Variants in ADAMTSL3 observed in about 807,000 individuals in gnomAD.
ADAMTSL3 encodes the protein ADAMTS like 3.
Under a neutral mutation model 201.7 loss-of-function variants are expected in ADAMTSL3, and 128 were observed. That is an observed-to-expected ratio of 0.63 (90% CI 0.55 to 0.73). The LOEUF is 0.73. ADAMTSL3 is among the 30% of genes least tolerant of loss of function. The pLI, the probability that ADAMTSL3 is intolerant of heterozygous loss-of-function variation, is 0.00. For synonymous variants in ADAMTSL3, 738 were observed against 748.4 expected (o/e 0.99, Z 0.23); for missense variants, 1,990 against 2,119.6 (o/e 0.94, Z 1.20).
At chr15:83,682,493 T>C (rs184761577) in intron 2 of ADAMTSL3, among the ~76,000 whole-genome samples, 2 of 152,346 alleles carry the variant, frequency 1.3e-5, no homozygotes, top group East Asian at 3.9e-4. Flanking sequence ...TTTTATCCTT[T>C]TTCTCTGAGA....
At chr15:83,822,198 C>A (rs1438662329) in intron 6 of ADAMTSL3, among the ~76,000 whole-genome samples, 1 of 144,868 alleles carries the variant, frequency 6.9e-6, no homozygotes, top group African/African-American at 2.6e-5. Flanking sequence ...CCCTCCCGGA[C>A]GGGGTGGCTG....
chr15:83,860,485 A>T (rs2064831328), intron 8 of ADAMTSL3, among the ~76,000 whole-genome samples: 1 of 152,210 alleles, frequency 6.6e-6, no homozygotes, highest in South Asian at 2.1e-4. Flanking sequence ...CCATTAAATT[A>T]TGCATTTTAA....
chr15:83,998,999 CT>C (rs2067740022), intron 23 of ADAMTSL3, among the ~76,000 whole-genome samples: 1 of 152,176 alleles, frequency 6.6e-6, no homozygotes, highest in African/African-American at 2.4e-5. Flanking sequence ...CTGAATGCTG[CT>C]TTTGTGTGTT....
At chr15:83,839,990 C>A (rs2064344196) in intron 7 of ADAMTSL3, among the ~76,000 whole-genome samples, 1 of 152,074 alleles carries the variant, frequency 6.6e-6, no homozygotes, top group South Asian at 2.1e-4. Flanking sequence ...TTATCTGAAA[C>A]ATGCTAGGTT....
intron 4 of ADAMTSL3, among the ~76,000 whole-genome samples, chr15:83,775,363 G>A (rs895095556): frequency 9.9e-5 from 15 of 151,056 alleles, no homozygotes; most frequent in Non-Finnish European, 5.9e-5. Context: ...TTTCTAGTAC[G>A]TACTTGCGTT....
intron 2 of ADAMTSL3, among the ~76,000 whole-genome samples, chr15:83,699,922 CTTGT>C (rs1429268548): frequency 6.6e-6 from 1 of 152,128 alleles, no homozygotes; most frequent in African/African-American, 2.4e-5. Flanking sequence ...CTCATATCAC[CTTGT>C]TTATTTCCTT....
chr15:83,793,150 G>C (rs959458368), intron 4 of ADAMTSL3, among the ~76,000 whole-genome samples: 1 of 152,164 alleles, frequency 6.6e-6, no homozygotes, highest in African/African-American at 2.4e-5. Flanking sequence ...CGTAGAAAAA[G>C]AGAGTAAAAA....
chr15:83,845,389 C>T (rs551231645), intron 7 of ADAMTSL3, among the ~76,000 whole-genome samples: 42 of 152,260 alleles, frequency 2.8e-4, no homozygotes, highest in African/African-American at 9.6e-4. Context: ...ACATGGCCTT[C>T]GCTGGAGATG....
At chr15:83,764,035 C>A (rs544408796) in intron 3 of ADAMTSL3, among the ~76,000 whole-genome samples, 1 of 152,350 alleles carries the variant, frequency 6.6e-6, no homozygotes, top group South Asian at 2.1e-4. Context: ...TGCCACAAAT[C>A]ATTTAATACA....
In ADAMTSL3 at chr15:83,812,640, C is replaced by A. The variant is rs369932965; in HGVS notation, c.364-7171C>A. Among the ~76,000 whole-genome samples, 12 of 152,292 alleles carry A rather than the reference C, an allele frequency of 7.9e-5. No individual in the cohort carries two copies. The South Asian group carries it at 1.2e-3, about 16-fold the overall frequency. ...GTTAGTGAGCCTTGGAGATCTAACA[C>A]TGGATCATATTCCAGAGATTGCTAA... On this transcript the variant is annotated intron_variant, in intron 5 of 29. Transcript: ENST00000286744.
chr15:83,694,167 A>G (rs548291187), intron 2 of ADAMTSL3: 2 of 152,296 alleles, frequency 1.3e-5, no homozygotes, highest in African/African-American at 4.8e-5. Flanking sequence ...AAAGACCAAG[A>G]TCCACCAGAA....
At chr15:83,674,282 G>A (rs569310840) in intron 2 of ADAMTSL3, among the ~76,000 whole-genome samples, 1 of 151,904 alleles carries the variant, frequency 6.6e-6, no homozygotes, top group East Asian at 1.9e-4. Context: ...TGAGGTTAAG[G>A]TCACATCTTA....
rs183165247 is a variant in ADAMTSL3, at chr15:83,799,812, A to G, written c.318-4838A>G. Among the ~76,000 whole-genome samples the G allele has an allele frequency of 7.6e-3, 1,158 of 152,350 alleles. 9 individuals are homozygous for G. Among genetic ancestry groups the G allele is most frequent in the Middle Eastern group, 0.02 (6 of 294 alleles). ...ACTCCTGATAACCATTAGCTCTTGC[A>G]TATACTAATTACACTGAAATTAAAA... On this transcript the variant is annotated intron_variant, in intron 4 of 29. Coordinates refer to ENST00000286744, the MANE Select transcript of ADAMTSL3 (RefSeq NM_207517.3).
intron 4 of ADAMTSL3, among the ~76,000 whole-genome samples, chr15:83,798,359 A>G (rs374655816): frequency 3.3e-5 from 5 of 152,218 alleles, no homozygotes; most frequent in South Asian, 2.1e-4. Context: ...AAATGTGTAT[A>G]TATGTATTTG....
chr15:83,701,526 A>G (rs1284485629), intron 2 of ADAMTSL3, among the ~76,000 whole-genome samples: 2 of 152,212 alleles, frequency 1.3e-5, no homozygotes, highest in African/African-American at 2.4e-5. Context: ...TTGTGCTCTC[A>G]TAATTCCCAC....
chr15:83,665,851 C>T (rs946723928), intron 2 of ADAMTSL3, among the ~76,000 whole-genome samples: 9 of 152,004 alleles, frequency 5.9e-5, no homozygotes, highest in African/African-American at 1.9e-4. Flanking sequence ...TACAAATAAA[C>T]GGTATTTTAT....
chr15:83,903,910 T>A lies in ADAMTSL3; in HGVS notation c.1700+4179T>A, dbSNP rs1417224520. ...TCCAGCCTGGGTGACAGTGCCAGACTCCACATCAAAAAAAAAAAAAAAAAA... is the reference window on the plus strand; with the variant it reads ...TCCAGCCTGGGTGACAGTGCCAGACACCACATCAAAAAAAAAAAAAAAAAA... On this transcript the variant is annotated intron_variant, in intron 15 of 29. Coordinates refer to ENST00000286744, the MANE Select transcript of ADAMTSL3 (RefSeq NM_207517.3). 2.1e-4 allele frequency among the ~76,000 whole-genome samples: 6 copies of A among 29,226 alleles called. 1 individual carries two copies. The highest frequency in any genetic ancestry group is 7.6e-4 in the Admixed American group (1 of 1,318). The allele number at this position is 29,226 out of a possible 152,430, so 19.2% of individuals were successfully genotyped here.
chr15:83,766,522 G>A (rs1567130732), intron 3 of ADAMTSL3, among the ~76,000 whole-genome samples: 1 of 152,202 alleles, frequency 6.6e-6, no homozygotes, highest in Admixed American at 6.5e-5. Context: ...AAAGAATGTT[G>A]TGGTCAAGCA....
rs540254510 is a variant in ADAMTSL3, at chr15:83,659,109, T to C, written c.69+3279T>C. 4.6e-5 allele frequency among the ~76,000 whole-genome samples: 7 copies of C among 152,356 alleles called. No homozygotes were observed. The East Asian group carries it at 1.4e-3, about 29-fold the overall frequency. ...ACTGTTTAGATTCTCTGGCAAATTC[T>C]GTCCTCTCCCATTTCCTGTGACTCT... On this transcript the variant is annotated intron_variant, in intron 2 of 29. Coordinates refer to ENST00000286744, the MANE Select transcript of ADAMTSL3 (RefSeq NM_207517.3).
Sources: allele counts gnomAD v4.1 joint callset (sites outside exome capture counted in the v4.1 genomes callset), GRCh38; gene constraint gnomAD v4.1.1; transcripts MANE v1.5; gene names NCBI Gene and HGNC (gene_info 2026-07-23, HGNC 2026-07-21).